The following GRM8 variants were observed in gnomAD, a reference collection of about 807,000 sequenced individuals.
GRM8 encodes the protein metabotropic glutamate receptor 8.
In GRM8, 47 loss-of-function variants were observed where a neutral mutation model predicts 87.2. That is an observed-to-expected ratio of 0.54 (90% confidence interval 0.43 to 0.69). The LOEUF (loss-of-function observed/expected upper bound fraction) is 0.69. Ranked by LOEUF, GRM8 falls within the 30% of genes least tolerant of loss-of-function variation. The probability of loss-of-function intolerance (pLI) is 0.00; values close to 1 mark genes in which losing one functional copy is unlikely to be tolerated. For synonymous variants in GRM8, 396 were observed against 404.5 expected (o/e 0.98, Z 0.25); for missense variants, 1,019 against 1,139.2 (o/e 0.89, Z 1.52).
intron 8 of GRM8, among the ~76,000 whole-genome samples, chr7:126,544,698 C>T (rs1299971917): frequency 4.0e-5 from 6 of 151,880 alleles, no homozygotes; most frequent in Non-Finnish European, 5.9e-5. Flanking sequence ...TTAGTAGAGA[C>T]GGGGTTTCAC....
At chr7:126,584,215 C>T (rs1795881155) in intron 8 of GRM8, among the ~76,000 whole-genome samples, 1 of 147,626 alleles carries the variant, frequency 6.8e-6, no homozygotes, top group Admixed American at 6.8e-5. Flanking sequence ...CTAGAGTATA[C>T]TGTAAAGATA....
intron 7 of GRM8, among the ~76,000 whole-genome samples, chr7:126,721,875 C>T (rs1812424868): frequency 6.6e-6 from 1 of 151,960 alleles, no homozygotes; most frequent in Non-Finnish European, 1.5e-5. Context: ...TTTTGTAGAC[C>T]CTCTAGCTGT....
chr7:126,902,135 A>G (rs13307917), intron 6 of GRM8, among the ~76,000 whole-genome samples: 11 of 152,258 alleles, frequency 7.2e-5, no homozygotes, highest in African/African-American at 2.7e-4. Context: ...AGTATTATAG[A>G]GGACAGCGAT....
chr7:126,950,493 TTCTCTC>T (rs536467034), intron 3 of GRM8, among the ~76,000 whole-genome samples: 1 of 151,946 alleles, frequency 6.6e-6, no homozygotes, highest in Middle Eastern at 3.4e-3. Flanking sequence ...TTTTATCTAT[TTCTCTC>T]TCTCTCTCAG....
At chr7:127,144,105 T>C (rs939561265) in intron 2 of GRM8, among the ~76,000 whole-genome samples, 1 of 152,150 alleles carries the variant, frequency 6.6e-6, no homozygotes, top group Non-Finnish European at 1.5e-5. Context: ...TGATAGCAGA[T>C]ACAGGATTGT....
At chr7:126,605,903 G>A (rs1798297495) in intron 8 of GRM8, among the ~76,000 whole-genome samples, 1 of 152,144 alleles carries the variant, frequency 6.6e-6, no homozygotes, top group Admixed American at 6.6e-5. Context: ...TTGCGCTAGA[G>A]TGGTTGGTCC....
intron 8 of GRM8, among the ~76,000 whole-genome samples, chr7:126,601,444 C>G (rs557317510): frequency 3.9e-5 from 6 of 152,180 alleles, no homozygotes; most frequent in African/African-American, 1.4e-4. Context: ...TGGGTATATA[C>G]CCAGTAATGG....
At chr7:126,841,756 T>C (rs1796286866) in intron 6 of GRM8, among the ~76,000 whole-genome samples, 1 of 151,816 alleles carries the variant, frequency 6.6e-6, no homozygotes, top group Non-Finnish European at 1.5e-5. Flanking sequence ...GCCTCCTGAG[T>C]AGCTGAGACT....
At chr7:126,567,125 A>T (rs1237437972) in intron 8 of GRM8, among the ~76,000 whole-genome samples, 1 of 152,164 alleles carries the variant, frequency 6.6e-6, no homozygotes, top group Non-Finnish European at 1.5e-5. Context: ...AACATTTTAA[A>T]GTTTCAATTG....
intron 6 of GRM8, among the ~76,000 whole-genome samples, chr7:126,825,998 A>G (rs1027918868): frequency 2.1e-4 from 32 of 151,822 alleles, no homozygotes; most frequent in Non-Finnish European, 4.6e-4. Flanking sequence ...GCGATAGTTT[A>G]CTGAGAATGA....
chr7:126,816,269 T>C (rs1793779348), intron 6 of GRM8, among the ~76,000 whole-genome samples: 1 of 152,160 alleles, frequency 6.6e-6, no homozygotes, highest in Admixed American at 6.5e-5. Context: ...ATCTTTGCTT[T>C]TTTAAATTCA....
At chr7:126,827,338 A>C (rs186464106) in intron 6 of GRM8, among the ~76,000 whole-genome samples, 58 of 152,280 alleles carry the variant, frequency 3.8e-4, no homozygotes, top group African/African-American at 1.4e-3. Flanking sequence ...TTTTCTTCCC[A>C]TCCATGAGGA....
At position 126,695,226 on chromosome 7, in the gene GRM8, C is replaced by A. The variant is rs144561171; in HGVS notation, c.1357+74639G>T. On this transcript the variant is annotated intron_variant, in intron 7 of 10. Transcript: ENST00000339582. ...TATTAAAACATTTTTAAAGGGAATT[C>A]TGTTATTATTATGAAGAAAATGAGA... Among the ~76,000 whole-genome samples, 427 of 152,182 alleles carry A rather than the reference C, an allele frequency of 2.8e-3. 7 individuals are homozygous for A. The highest frequency in any genetic ancestry group is 9.8e-3 in the African/African-American group (407 of 41,512).
At chr7:126,988,216 C>T (rs995268434) in intron 3 of GRM8, among the ~76,000 whole-genome samples, 1 of 152,190 alleles carries the variant, frequency 6.6e-6, no homozygotes, top group African/African-American at 2.4e-5. Flanking sequence ...ACCCTTCATG[C>T]GAAATGACGT....
intron 6 of GRM8, among the ~76,000 whole-genome samples, chr7:126,773,854 C>T (rs748391306): frequency 6.6e-6 from 1 of 151,880 alleles, no homozygotes; most frequent in Non-Finnish European, 1.5e-5. Context: ...ACTAAAAATT[C>T]AACTTTATAT....
At chr7:126,897,317 G>T (rs940080326) in intron 6 of GRM8, among the ~76,000 whole-genome samples, 2 of 152,078 alleles carry the variant, frequency 1.3e-5, no homozygotes, top group African/African-American at 4.8e-5. Context: ...AACTTCTGAA[G>T]AAAGACTCTA....
At chr7:127,174,803 T>C (rs1794003229) in intron 2 of GRM8, among the ~76,000 whole-genome samples, 1 of 152,204 alleles carries the variant, frequency 6.6e-6, no homozygotes, top group Admixed American at 6.5e-5. Flanking sequence ...ATCAAGTATC[T>C]TACCAGTAAT....
At chr7:126,585,996 A>T (rs1384614300) in intron 8 of GRM8, among the ~76,000 whole-genome samples, 1 of 152,184 alleles carries the variant, frequency 6.6e-6, no homozygotes, top group Non-Finnish European at 1.5e-5. Context: ...CAGGATACAA[A>T]ATCAATGTGC....
chr7:126,805,366 G>A (rs1792570805), intron 6 of GRM8, among the ~76,000 whole-genome samples: 1 of 152,156 alleles, frequency 6.6e-6, no homozygotes, highest in African/African-American at 2.4e-5. Flanking sequence ...TGTATTTGTT[G>A]AACAAAGCTT....
Sources: gnomAD v4.1 joint callset for allele counts (sites outside exome capture counted in the v4.1 genomes callset) on GRCh38, gnomAD v4.1.1 for gene constraint, MANE v1.5 for transcripts, NCBI Gene and HGNC (gene_info 2026-07-23, HGNC 2026-07-21) for gene names.